Variants in UBE2L3 observed in about 807,000 individuals in gnomAD.
UBE2L3 encodes the protein ubiquitin-conjugating enzyme E2 L3.
UBE2L3 carries 1 observed loss-of-function variant against 17.8 expected under a neutral mutation model. The observed-to-expected ratio is 0.06, with a 90% CI of 0.02 to 0.27. The LOEUF (loss-of-function observed/expected upper bound fraction) is 0.27. UBE2L3 is among the 10% of genes least tolerant of loss of function. The probability of loss-of-function intolerance (pLI) is 1.00; values close to 1 mark genes in which losing one functional copy is unlikely to be tolerated. For synonymous variants in UBE2L3, 44 were observed against 68.5 expected, an observed-to-expected ratio of 0.64 and a Z score of 1.76; for missense variants, 40 against 192.6, an observed-to-expected ratio of 0.21 and a Z score of 4.69.
At chr22:21,601,559 C>T (rs1192173927) in intron 2 of UBE2L3, among the ~76,000 whole-genome samples, 1 of 152,016 alleles carries the variant, frequency 6.6e-6, no homozygotes, top group East Asian at 2.0e-4. Context: ...AAGTGATCCA[C>T]TCACCTCAGC....
chr22:21,609,066 T>A (rs1929335589), intron 2 of UBE2L3, among the ~76,000 whole-genome samples: 2 of 152,172 alleles, frequency 1.3e-5, no homozygotes, highest in South Asian at 4.1e-4. Context: ...AGCTAATTTT[T>A]TTTTGTATTT....
upstream of UBE2L3, among the ~76,000 whole-genome samples, chr22:21,566,214 C>T (rs1926629313): frequency 1.3e-5 from 2 of 150,034 alleles, no homozygotes; most frequent in African/African-American, 4.9e-5. Flanking sequence ...CTCAAGTGAT[C>T]CACCCCCCTC....
At chr22:21,585,603 G>A (rs1310989219) in intron 1 of UBE2L3, among the ~76,000 whole-genome samples, 1 of 152,194 alleles carries the variant, frequency 6.6e-6, no homozygotes, top group African/African-American at 2.4e-5. Context: ...TTGAGAGAAA[G>A]GAGCATCCCT....
chr22:21,594,155 G>A (rs887365319), intron 2 of UBE2L3, among the ~76,000 whole-genome samples: 4 of 152,128 alleles, frequency 2.6e-5, no homozygotes, highest in Non-Finnish European at 4.4e-5. Context: ...TTCCCACTTT[G>A]CACATCTGAG....
At chr22:21,620,854 C>T (rs150690408) in intron 3 of UBE2L3, among the ~76,000 whole-genome samples, 73 of 152,238 alleles carry the variant, frequency 4.8e-4, no homozygotes, top group African/African-American at 1.6e-3. Flanking sequence ...TCACCTTAAC[C>T]GAAACTTCCC....
At chr22:21,596,059 T>C in intron 2 of UBE2L3, among the ~76,000 whole-genome samples, 1 of 151,616 alleles carries the variant, frequency 6.6e-6, no homozygotes, top group Non-Finnish European at 1.5e-5. Context: ...AAAGACGGGG[T>C]TTCACCATGT....
chr22:21,580,308 C>G (rs1055255410), intron 1 of UBE2L3, among the ~76,000 whole-genome samples: 2 of 152,174 alleles, frequency 1.3e-5, no homozygotes, highest in Non-Finnish European at 2.9e-5. Context: ...CTAATATGCC[C>G]CACTTGCCCA....
At chr22:21,557,328 C>T (rs1384465150) in intron 1 of UBE2L3, among the ~76,000 whole-genome samples, 1 of 152,260 alleles carries the variant, frequency 6.6e-6, no homozygotes, top group Non-Finnish European at 1.5e-5. Flanking sequence ...GATTGTGCCA[C>T]TCCACTTCCA....
intron 1 of UBE2L3, among the ~76,000 whole-genome samples, chr22:21,576,695 A>G (rs546299542): frequency 6.6e-6 from 1 of 151,954 alleles, no homozygotes; most frequent in Non-Finnish European, 1.5e-5. Context: ...CGGCCTCCCA[A>G]AATTCTAGGA....
At chr22:21,605,504 T>TC (rs1929112309) in intron 2 of UBE2L3, among the ~76,000 whole-genome samples, 2 of 152,074 alleles carry the variant, frequency 1.3e-5, no homozygotes, top group South Asian at 4.1e-4. Context: ...TTCTTTTTTT[T>TC]CTTTTTCTTT....
chr22:21,614,983 G>T (rs939457763), intron 3 of UBE2L3, among the ~76,000 whole-genome samples: 1 of 151,782 alleles, frequency 6.6e-6, no homozygotes, highest in Non-Finnish European at 1.5e-5. Context: ...GTGAAACCCT[G>T]TCTCTACTAA....
chr22:21,617,627 T>G lies in UBE2L3; in HGVS notation c.311-3888T>G, dbSNP rs192502470. Among the ~76,000 whole-genome samples, 353 of 152,264 alleles carry G rather than the reference T, an allele frequency of 2.3e-3. 4 individuals are homozygous for G. Among genetic ancestry groups the G allele is most frequent in the Non-Finnish European group, 4.2e-3 (289 of 68,014 alleles). ...AAAAAAAGTACTTCTGAGGAGCATT[T>G]GGGTCATGGAAGAGACCAAGAACCC... On this transcript the variant is annotated intron_variant, in intron 3 of 3. Coordinates refer to ENST00000342192, the MANE Select transcript of UBE2L3 (RefSeq NM_003347.4).
At chr22:21,605,582 CACA>C (rs766613055) in intron 2 of UBE2L3, among the ~76,000 whole-genome samples, 3 of 151,878 alleles carry the variant, frequency 2.0e-5, no homozygotes, top group Non-Finnish European at 4.4e-5. Context: ...CTCAGCTCAC[CACA>C]ACCTCTGTCT....
At chr22:21,583,827 T>C (rs1227851157) in intron 1 of UBE2L3, among the ~76,000 whole-genome samples, 1 of 152,222 alleles carries the variant, frequency 6.6e-6, no homozygotes, top group African/African-American at 2.4e-5. Flanking sequence ...TTCTTTCTTC[T>C]TTACTCATAT....
At chr22:21,563,894 G>T (rs1467144923), upstream of UBE2L3, among the ~76,000 whole-genome samples, 1 of 151,846 alleles carries the variant, frequency 6.6e-6, no homozygotes, top group Non-Finnish European at 1.5e-5. Context: ...TTGTAGATAT[G>T]GTAGTCTTTC....
At chr22:21,600,415 G>T (rs1928792108) in intron 2 of UBE2L3, among the ~76,000 whole-genome samples, 1 of 152,122 alleles carries the variant, frequency 6.6e-6, no homozygotes. Flanking sequence ...TTTGTTGCCG[G>T]CCGGGTGCAG....
chr22:21,604,808 GAGCC>G (rs931419041), intron 2 of UBE2L3, among the ~76,000 whole-genome samples: 21 of 152,248 alleles, frequency 1.4e-4, no homozygotes, highest in African/African-American at 4.8e-4. Context: ...ATGCACACCT[GAGCC>G]ACTCCTTTGA....
At chr22:21,598,341 A>G (rs1280634642) in intron 2 of UBE2L3, among the ~76,000 whole-genome samples, 1 of 151,840 alleles carries the variant, frequency 6.6e-6, no homozygotes, top group Non-Finnish European at 1.5e-5. Context: ...AAAGCTGTAG[A>G]TTCCCTTTGA....
chr22:21,589,534 C>A (rs1267740022), intron 1 of UBE2L3, among the ~76,000 whole-genome samples: 2 of 152,092 alleles, frequency 1.3e-5, no homozygotes, highest in African/African-American at 2.4e-5. Context: ...CTCATAGTGC[C>A]CGTGGTTCTC....
Sources: allele counts gnomAD v4.1 joint callset (sites outside exome capture counted in the v4.1 genomes callset), GRCh38; gene constraint gnomAD v4.1.1; transcripts MANE v1.5; gene names NCBI Gene and HGNC (gene_info 2026-07-23, HGNC 2026-07-21).